The following AMPH variants were observed in gnomAD, a reference collection of about 807,000 sequenced individuals.
AMPH encodes amphiphysin (Stiff-Mann syndrome with breast cancer 128kD autoantigen).
A neutral mutation model predicts 99.1 loss-of-function variants in AMPH; 49 were observed. The observed-to-expected ratio is 0.49, with a 90% CI of 0.39 to 0.63. AMPH has a LOEUF of 0.63. AMPH is among the 20% of genes least tolerant of loss of function. AMPH has a pLI of 0.00. For synonymous variants in AMPH, 314 were observed against 317.3 expected, an observed-to-expected ratio of 0.99 and a Z score of 0.11; for missense variants, 759 against 863.4, an observed-to-expected ratio of 0.88 and a Z score of 1.52.
At chr7:38,553,214 C>T (rs1031655858) in intron 1 of AMPH, among the ~76,000 whole-genome samples, 2 of 152,228 alleles carry the variant, frequency 1.3e-5, no homozygotes, top group Non-Finnish European at 2.9e-5. Context: ...TAGCTTCATG[C>T]TATTGTTACT....
chr7:38,499,924 C>T (rs901555281), intron 3 of AMPH, among the ~76,000 whole-genome samples: 1 of 152,194 alleles, frequency 6.6e-6, no homozygotes, highest in African/African-American at 2.4e-5. Context: ...CCTGCTGCCA[C>T]GCAAGACATG....
chr7:38,399,614 A>G (rs1484349969), intron 17 of AMPH, among the ~76,000 whole-genome samples: 1 of 152,204 alleles, frequency 6.6e-6, no homozygotes, highest in East Asian at 1.9e-4. Flanking sequence ...AAAAGAAAAA[A>G]CATTTTCTAT....
chr7:38,509,906 C>T lies in AMPH; in HGVS notation c.151-6202G>A, dbSNP rs181207582. ...GCTAGCTCTATCTATAACATTCTATCGTGACCAAATCAGACAGCACGTACA... is the reference window on the plus strand; with the variant it reads ...GCTAGCTCTATCTATAACATTCTATTGTGACCAAATCAGACAGCACGTACA... On this transcript the variant is annotated intron_variant, in intron 2 of 20. Transcript: ENST00000356264. 7.2e-5 allele frequency among the ~76,000 whole-genome samples: 11 copies of T among 152,234 alleles called. No homozygotes were observed. The East Asian group carries it at 1.2e-3, about 16-fold the overall frequency.
chr7:38,436,353 C>A lies in AMPH; in HGVS notation c.1053G>T (p.Leu351Phe). ...EVPEVKKEETLLDLDFDPFKP... is the reference protein window; with the variant it reads ...EVPEVKKEETFLDLDFDPFKP... ...TGAAAGGATCAAAGTCCAGATCCAG[C>A]AAAGTCTCCTCTTTCTTCACCTCAG... Residue 351 changes from leucine (L) to phenylalanine (F), a missense_variant, in exon 12 of 21, where the codon TTG becomes TTT. This residue lies in a region of AMPH where 554 missense variants were observed against 575.6 expected (regional missense o/e 0.96). Transcript: ENST00000356264. The A allele has an allele frequency of 1.2e-6, 2 of 1,614,130 alleles. No homozygotes were observed. The highest frequency in any genetic ancestry group is 4.5e-5 in the East Asian group (2 of 44,874).
intron 11 of AMPH, among the ~76,000 whole-genome samples, chr7:38,440,566 T>A (rs1786467922): frequency 6.8e-6 from 1 of 147,066 alleles, no homozygotes; most frequent in South Asian, 2.1e-4. Context: ...TATACAAAAA[T>A]AATAACAAAA....
chr7:38,433,141 T>C (rs957859024), intron 12 of AMPH, among the ~76,000 whole-genome samples: 3 of 152,170 alleles, frequency 2.0e-5, no homozygotes, highest in Non-Finnish European at 2.9e-5. Flanking sequence ...AAAAATATGA[T>C]GGTTTTCGGT....
chr7:38,391,912 C>T lies in AMPH; in HGVS notation c.1714G>A (p.Ala572Thr), dbSNP rs144661060. The T allele has an allele frequency of 1.6e-5, 25 of 1,612,526 alleles. No individual in the cohort carries two copies. The highest frequency in any genetic ancestry group is 6.7e-5 in the African/African-American group (5 of 74,908). The change falls in exon 19 of 21, where the codon GCG (alanine) becomes ACG (threonine). Residue 572 changes from alanine to threonine, a missense_variant. By Grantham distance (58) the Ala-to-Thr change is moderately conservative (BLOSUM62 0). Transcript: ENST00000356264. Reference sequence around the variant, plus strand: ...TCGCTGGTGGGGCCCGGAGGAGCCGCGTCCTCGGTGGTCTCCTTGGGCTCT... The same window carrying T: ...TCGCTGGTGGGGCCCGGAGGAGCCGTGTCCTCGGTGGTCTCCTTGGGCTCT... ...GAEPKETTED[A>T]APPGPTSETP... is the part of the protein sequence containing the mutation.
In AMPH at chr7:38,390,137, T is replaced by C. The variant is rs75382119; in HGVS notation, c.1879-232A>G. Among the ~76,000 whole-genome samples, 680 of 152,354 alleles carry C rather than the reference T, an allele frequency of 4.5e-3. 9 individuals carry two copies. The highest frequency in any genetic ancestry group is 0.015 in the African/African-American group (638 of 41,578). On this transcript the variant is annotated intron_variant, in intron 19 of 20. Coordinates refer to ENST00000356264, the MANE Select transcript of AMPH (RefSeq NM_001635.4). ...TCTACAACAGGGAAAAGCACTATAT[T>C]AATCAAATTTTAATTCATCTTATTT...
chr7:38,441,416 G>A (rs1786499643), intron 11 of AMPH, among the ~76,000 whole-genome samples: 1 of 151,978 alleles, frequency 6.6e-6, no homozygotes, highest in East Asian at 1.9e-4. Context: ...AACAACAGCA[G>A]AATATATATT....
chr7:38,627,654 CAAAA>C (rs34354956), intron 1 of AMPH, among the ~76,000 whole-genome samples: 1 of 97,032 alleles, frequency 1.0e-5, no homozygotes, highest in Non-Finnish European at 1.9e-5. Context: ...GACTCTGTCT[CAAAA>C]AAAAAAAAAA....
intron 1 of AMPH, among the ~76,000 whole-genome samples, chr7:38,604,295 G>A (rs1221061674): frequency 6.6e-6 from 1 of 152,198 alleles, no homozygotes; most frequent in African/African-American, 2.4e-5. Flanking sequence ...GCAGGCAGAC[G>A]AATTTTGACT....
intron 1 of AMPH, among the ~76,000 whole-genome samples, chr7:38,605,101 C>A (rs1793388193): frequency 6.6e-6 from 1 of 151,992 alleles, no homozygotes; most frequent in Non-Finnish European, 1.5e-5. Context: ...GGTACTGATC[C>A]CATAATAAGT....
intron 14 of AMPH, chr7:38,428,882 C>T (rs761889954): frequency 3.0e-6 from 2 of 667,068 alleles, no homozygotes; most frequent in South Asian, 1.5e-5. Flanking sequence ...TTTCCTTATA[C>T]CCTGCTCTTA....
At chr7:38,480,575 C>T (rs1216791421) in intron 5 of AMPH, among the ~76,000 whole-genome samples, 1 of 152,128 alleles carries the variant, frequency 6.6e-6, no homozygotes, top group African/African-American at 2.4e-5. Flanking sequence ...ACCTCTTTGG[C>T]TATTTCTAAT....
At chr7:38,530,298 G>C (rs1250181068) in intron 2 of AMPH, among the ~76,000 whole-genome samples, 1 of 152,210 alleles carries the variant, frequency 6.6e-6, no homozygotes, top group African/African-American at 2.4e-5. Flanking sequence ...CTCATGGGAG[G>C]CTGGTCTGAA....
chr7:38,418,250 C>T (rs552456377), intron 16 of AMPH, among the ~76,000 whole-genome samples: 3 of 152,230 alleles, frequency 2.0e-5, no homozygotes, highest in Admixed American at 2.0e-4. Context: ...TTTGACTACC[C>T]ACTTACCTAT....
At chr7:38,532,542 C>T (rs1790444011) in intron 2 of AMPH, among the ~76,000 whole-genome samples, 1 of 152,046 alleles carries the variant, frequency 6.6e-6, no homozygotes, top group African/African-American at 2.4e-5. Context: ...ATATACTATG[C>T]CCCATAACAT....
intron 1 of AMPH, among the ~76,000 whole-genome samples, chr7:38,616,136 C>CT (rs1793863307): frequency 1.3e-5 from 2 of 152,160 alleles, no homozygotes; most frequent in Non-Finnish European, 2.9e-5. Flanking sequence ...ACCATGTGTA[C>CT]ATCTCCTCTG....
intron 2 of AMPH, among the ~76,000 whole-genome samples, chr7:38,526,109 T>C (rs1790175465): frequency 6.6e-6 from 1 of 152,194 alleles, no homozygotes; most frequent in African/African-American, 2.4e-5. Context: ...TTTAGCATTG[T>C]CACTAGTTTT....
Sources: gnomAD v4.1 joint callset for allele counts (sites outside exome capture counted in the v4.1 genomes callset) on GRCh38, gnomAD v4.1.1 for gene constraint, gnomAD v4.1.1 regional missense constraint, MANE v1.5 for transcripts, NCBI Gene and HGNC (gene_info 2026-07-23, HGNC 2026-07-21) for gene names.